The following HDAC9 variants were observed in gnomAD, a reference collection of about 807,000 sequenced individuals.
HDAC9 encodes the protein MEF-2 interacting transcription repressor (MITR) protein.
Under a neutral mutation model 139.4 loss-of-function variants are expected in HDAC9, and 41 were observed. The ratio of observed to expected loss-of-function variants is 0.29; its 90% CI spans 0.23 to 0.38. HDAC9 has a LOEUF of 0.38. Ranked by LOEUF, HDAC9 falls within the 10% of genes least tolerant of loss-of-function variation. HDAC9 has a pLI of 1.00. For synonymous variants in HDAC9, 517 were observed against 476.2 expected, an observed-to-expected ratio of 1.09 and a Z score of -1.12; for missense variants, 1,147 against 1,297.0, an observed-to-expected ratio of 0.88 and a Z score of 1.78.
At chr7:18,728,417 ACAC>A (rs1207202923) in intron 13 of HDAC9, among the ~76,000 whole-genome samples, 11 of 141,488 alleles carry the variant, frequency 7.8e-5, no homozygotes, top group Non-Finnish European at 1.2e-4. Context: ...ACACACACAC[ACAC>A]ACACACACAC....
intron 1 of HDAC9, among the ~76,000 whole-genome samples, chr7:18,331,001 A>G (rs975538614): frequency 4.0e-5 from 6 of 151,718 alleles, no homozygotes; most frequent in African/African-American, 7.2e-5. Flanking sequence ...CATGAATACA[A>G]TTTGAGTTGA....
intron 2 of HDAC9, among the ~76,000 whole-genome samples, chr7:18,524,350 A>G (rs1375400969): frequency 1.3e-5 from 2 of 152,156 alleles, no homozygotes; most frequent in Non-Finnish European, 2.9e-5. Context: ...TCAGCTGTAA[A>G]TTTCAGATGT....
intron 12 of HDAC9, among the ~76,000 whole-genome samples, chr7:18,701,977 A>C (rs902474254): frequency 6.6e-6 from 1 of 152,174 alleles, no homozygotes; most frequent in Admixed American, 6.5e-5. Flanking sequence ...CAGTCTCCTG[A>C]GTGTTAGTTT....
intron 2 of HDAC9, among the ~76,000 whole-genome samples, chr7:18,532,685 A>T (rs1809430490): frequency 6.6e-6 from 1 of 152,172 alleles, no homozygotes; most frequent in Non-Finnish European, 1.5e-5. Context: ...TTTGTTTTAA[A>T]TCAAAGTAAG....
At chr7:18,827,878 G>A (rs1275779424) in intron 17 of HDAC9, among the ~76,000 whole-genome samples, 1 of 151,956 alleles carries the variant, frequency 6.6e-6, no homozygotes, top group East Asian at 1.9e-4. Flanking sequence ...CCATCTTAAT[G>A]TTTCAGTCTC....
chr7:18,594,567 T>C (rs546979324), intron 6 of HDAC9, among the ~76,000 whole-genome samples: 42 of 152,226 alleles, frequency 2.8e-4, no homozygotes, highest in African/African-American at 9.4e-4. Context: ...AGTGAAATTA[T>C]ATCTGATAAT....
intron 24 of HDAC9, among the ~76,000 whole-genome samples, chr7:18,974,444 G>A (rs1007177721): frequency 6.6e-6 from 1 of 152,182 alleles, no homozygotes; most frequent in Admixed American, 6.5e-5. Context: ...ACTGGACCAT[G>A]CATTTCTTGG....
chr7:18,289,436 A>C (rs1297468051), upstream of HDAC9, among the ~76,000 whole-genome samples: 2 of 152,232 alleles, frequency 1.3e-5, no homozygotes, highest in African/African-American at 4.8e-5. Flanking sequence ...AACCTGCCTC[A>C]GCTTACCAAA....
chr7:18,366,970 C>T (rs903540165), intron 1 of HDAC9, among the ~76,000 whole-genome samples: 15 of 152,034 alleles, frequency 9.9e-5, no homozygotes, highest in Admixed American at 2.0e-4. Context: ...GTTTTATTAA[C>T]ATGCAATTCT....
chr7:18,921,878 C>T (rs180912932), intron 22 of HDAC9, among the ~76,000 whole-genome samples: 168 of 152,202 alleles, frequency 1.1e-3, no homozygotes, highest in Middle Eastern at 0.01. Flanking sequence ...CACATATGCA[C>T]TATGGAATAC....
chr7:18,880,660 G>A (rs1322041760), intron 22 of HDAC9, among the ~76,000 whole-genome samples: 1 of 151,934 alleles, frequency 6.6e-6, no homozygotes, highest in Admixed American at 6.6e-5. Flanking sequence ...GAGAGAGGAG[G>A]GTGGAAGGAG....
intron 2 of HDAC9, among the ~76,000 whole-genome samples, chr7:18,283,994 G>T (rs1259783101): frequency 6.6e-6 from 1 of 152,122 alleles, no homozygotes; most frequent in Non-Finnish European, 1.5e-5. Context: ...AAACCAATGT[G>T]TTTAAGGTTA....
In HDAC9 at chr7:18,640,357, T is replaced by TAA. The variant is rs56655676; in HGVS notation, c.913-4286_913-4285dup. ...TGGGCGACAGAGCAAGATCCTGTCT[T>TAA]AAAAAAAAAAAAAAAAAAAAAAAAA... On this transcript the variant is annotated intron_variant, in intron 8 of 25. Coordinates refer to ENST00000686413, the MANE Select transcript of HDAC9 (RefSeq NM_178425.4). Among the ~76,000 whole-genome samples, 161 of 66,080 alleles carry TAA rather than the reference T, an allele frequency of 2.4e-3. 2 individuals carry two copies. Among genetic ancestry groups the TAA allele is most frequent in the Non-Finnish European group, 3.6e-3 (126 of 34,856 alleles). 43.4% of individuals were successfully genotyped at this position (66,080 alleles called of 152,430 possible). A position where few individuals can be genotyped will look rare whatever the true frequency, so the allele number is the denominator to read the frequency against.
chr7:18,870,878 G>T (rs1798865140), intron 21 of HDAC9, among the ~76,000 whole-genome samples: 1 of 152,084 alleles, frequency 6.6e-6, no homozygotes. Context: ...GTGTTACCCA[G>T]GGTGGAACCC....
chr7:18,118,819 C>G (rs796770571), intron 1 of HDAC9, among the ~76,000 whole-genome samples: 17 of 152,198 alleles, frequency 1.1e-4, no homozygotes, highest in African/African-American at 4.1e-4. Context: ...CAGATTAATG[C>G]TGAACTTGGA....
chr7:18,321,858 A>G (rs1800054099), intron 1 of HDAC9, among the ~76,000 whole-genome samples: 1 of 152,130 alleles, frequency 6.6e-6, no homozygotes, highest in African/African-American at 2.4e-5. Flanking sequence ...AGCTTTGAAT[A>G]TTTCATTTAG....
chr7:18,301,805 A>G (rs1798558457), intron 1 of HDAC9, among the ~76,000 whole-genome samples: 1 of 152,204 alleles, frequency 6.6e-6, no homozygotes, highest in African/African-American at 2.4e-5. Flanking sequence ...TGAATGATGC[A>G]GTGGATAAAG....
At chr7:18,472,720 G>C (rs1794818317) in intron 1 of HDAC9, among the ~76,000 whole-genome samples, 1 of 152,098 alleles carries the variant, frequency 6.6e-6, no homozygotes, top group Non-Finnish European at 1.5e-5. Flanking sequence ...TAAATACATA[G>C]AGCATGCCTC....
intron 16 of HDAC9, among the ~76,000 whole-genome samples, chr7:18,777,756 G>A (rs1396297565): frequency 6.6e-6 from 1 of 152,034 alleles, no homozygotes; most frequent in South Asian, 2.1e-4. Flanking sequence ...TGACCTTAAT[G>A]ATGGGATTAT....
Sources: allele counts gnomAD v4.1 joint callset (sites outside exome capture counted in the v4.1 genomes callset), GRCh38; gene constraint gnomAD v4.1.1; transcripts MANE v1.5; gene names NCBI Gene and HGNC (gene_info 2026-07-23, HGNC 2026-07-21).